The following ROBO1 variants were observed in gnomAD, a reference collection of about 807,000 sequenced individuals.
ROBO1 encodes the protein roundabout homolog 1.
A neutral mutation model predicts 195.9 loss-of-function variants in ROBO1; 149 were observed. The observed-to-expected ratio is 0.76, with a 90% confidence interval of 0.67 to 0.87. The LOEUF (loss-of-function observed/expected upper bound fraction) is 0.87, where lower values mean the gene tolerates loss of function less well. Among genes scored for constraint, ROBO1 ranks in the 40% least tolerant of loss-of-function variants. ROBO1 has a pLI of 0.00. For synonymous variants in ROBO1, 816 were observed against 733.2 expected (o/e 1.11, Z -1.82); for missense variants, 1,933 against 2,068.3 (o/e 0.93, Z 1.27).
chr3:79,026,034 T>C (rs578027152), intron 3 of ROBO1, among the ~76,000 whole-genome samples: 81 of 152,310 alleles, frequency 5.3e-4, no homozygotes, highest in African/African-American at 1.8e-3. Context: ...AGATATTGTG[T>C]CATTATTGTA....
At chr3:78,782,452 C>T (rs1022901657) in intron 4 of ROBO1, among the ~76,000 whole-genome samples, 8 of 152,112 alleles carry the variant, frequency 5.3e-5, no homozygotes, top group African/African-American at 1.9e-4. Flanking sequence ...CCACCTTGGC[C>T]TCCCGAAGTG....
At chr3:79,648,998 T>C (rs2106730813) in intron 1 of ROBO1, among the ~76,000 whole-genome samples, 2 of 152,234 alleles carry the variant, frequency 1.3e-5, no homozygotes, top group South Asian at 4.1e-4. Context: ...AACAACATTT[T>C]TTAAGTGTAG....
intron 3 of ROBO1, among the ~76,000 whole-genome samples, chr3:78,940,827 G>A (rs1418646460): frequency 6.6e-6 from 1 of 152,108 alleles, no homozygotes; most frequent in Middle Eastern, 3.2e-3. Context: ...CCTTATGCTT[G>A]GCAGAGTGCT....
chr3:79,764,113 T>C (rs1251463101), intron 1 of ROBO1, among the ~76,000 whole-genome samples: 1 of 152,234 alleles, frequency 6.6e-6, no homozygotes, highest in Non-Finnish European at 1.5e-5. Context: ...AGACATCTAA[T>C]AAAGCCTACT....
At chr3:79,585,316 T>C (rs1478834981) in intron 2 of ROBO1, among the ~76,000 whole-genome samples, 1 of 152,006 alleles carries the variant, frequency 6.6e-6, no homozygotes, top group Non-Finnish European at 1.5e-5. Context: ...TAGGGGGAAT[T>C]GTACCCACTA....
intron 5 of ROBO1, among the ~76,000 whole-genome samples, chr3:78,739,896 T>C (rs2082482526): frequency 6.6e-6 from 1 of 152,178 alleles, no homozygotes; most frequent in Admixed American, 6.5e-5. Context: ...AAATTTGCAC[T>C]GATAGCATAG....
At chr3:78,705,618 G>A (rs1351300530) in intron 8 of ROBO1, among the ~76,000 whole-genome samples, 1 of 152,148 alleles carries the variant, frequency 6.6e-6, no homozygotes, top group Non-Finnish European at 1.5e-5. Context: ...TCCAGACAAT[G>A]GGCAACATGT....
Position 78,635,812 on chromosome 3 carries a change from C to T in ROBO1, c.3334G>A (p.Val1112Ile), listed in dbSNP as rs1452762847. Residue 1112 changes from valine (V) to isoleucine (I), a missense_variant, in exon 23 of 31, where the codon GTT (valine) becomes ATT (isoleucine). Transcript: ENST00000464233. ...TTTTGCTCCACGATGTTGTACTGAA[C>T]TGGTGCCACTTCTTGTTTCTGCTGT... is the stretch of plus-strand genomic sequence containing the variant. ...LGQQKQEVAPVQYNIVEQNKL... is the reference protein window; with the variant it reads ...LGQQKQEVAPIQYNIVEQNKL... The T allele has an allele frequency of 3.9e-5, 63 of 1,613,756 alleles. 1 individual carries two copies. Among genetic ancestry groups the T allele is most frequent in the Non-Finnish European group, 5.3e-5 (63 of 1,179,830 alleles).
At chr3:78,621,378 A>G (rs1182831055) in intron 26 of ROBO1, among the ~76,000 whole-genome samples, 1 of 152,182 alleles carries the variant, frequency 6.6e-6, no homozygotes, top group Non-Finnish European at 1.5e-5. Context: ...ACCATCAATA[A>G]AGAAAGATGC....
chr3:78,970,465 CA>C (rs1315120685), intron 3 of ROBO1, among the ~76,000 whole-genome samples: 1 of 152,048 alleles, frequency 6.6e-6, no homozygotes, highest in Non-Finnish European at 1.5e-5. Context: ...CTACCCCTAC[CA>C]TATTTTAAGG....
intron 4 of ROBO1, among the ~76,000 whole-genome samples, chr3:78,780,055 T>C (rs970523461): frequency 1.3e-5 from 2 of 151,960 alleles, no homozygotes; most frequent in African/African-American, 2.4e-5. Flanking sequence ...AGTTTTACAA[T>C]GAGAACACAT....
intron 1 of ROBO1, among the ~76,000 whole-genome samples, chr3:79,644,578 T>G (rs1360981269): frequency 2.0e-5 from 3 of 152,162 alleles, no homozygotes; most frequent in Non-Finnish European, 4.4e-5. Context: ...ACTTATTTAC[T>G]ATCACAAGAA....
At chr3:79,283,915 T>C (rs2031708759) in intron 2 of ROBO1, among the ~76,000 whole-genome samples, 1 of 151,880 alleles carries the variant, frequency 6.6e-6, no homozygotes, top group South Asian at 2.1e-4. Flanking sequence ...GCCAGGATGG[T>C]CTCGATCTCC....
intron 3 of ROBO1, among the ~76,000 whole-genome samples, chr3:79,071,367 C>T (rs1471012766): frequency 6.6e-6 from 1 of 151,486 alleles, no homozygotes; most frequent in Non-Finnish European, 1.5e-5. Context: ...TTTTATATTT[C>T]TGTCTAGGTT....
At chr3:79,524,337 A>G (rs1162509773) in intron 2 of ROBO1, among the ~76,000 whole-genome samples, 1 of 152,094 alleles carries the variant, frequency 6.6e-6, no homozygotes, top group African/African-American at 2.4e-5. Flanking sequence ...TAAATATATA[A>G]AAATCTAAAC....
chr3:79,542,961 T>G (rs1942131045), intron 2 of ROBO1, among the ~76,000 whole-genome samples: 1 of 152,090 alleles, frequency 6.6e-6, no homozygotes, highest in Admixed American at 6.6e-5. Flanking sequence ...TCACATTTTA[T>G]TATAAAATAT....
chr3:79,041,735 A>T (rs778066583), intron 3 of ROBO1, among the ~76,000 whole-genome samples: 10 of 152,014 alleles, frequency 6.6e-5, no homozygotes, highest in Non-Finnish European at 1.3e-4. Flanking sequence ...TTTATTTTCC[A>T]CAAATGGGAG....
intron 1 of ROBO1, among the ~76,000 whole-genome samples, chr3:79,608,987 A>C (rs879781359): frequency 6.6e-6 from 1 of 151,672 alleles, no homozygotes; most frequent in Non-Finnish European, 1.5e-5. Flanking sequence ...GTTGTTCTTC[A>C]CTCTTCTGCT....
intron 2 of ROBO1, among the ~76,000 whole-genome samples, chr3:79,181,364 G>T (rs568596583): frequency 9.9e-5 from 15 of 152,246 alleles, no homozygotes; most frequent in Admixed American, 2.6e-4. Flanking sequence ...AGGTATAAAG[G>T]TTTGCCAACT....
Sources: allele counts gnomAD v4.1 joint callset (sites outside exome capture counted in the v4.1 genomes callset), GRCh38; gene constraint gnomAD v4.1.1; transcripts MANE v1.5; gene names NCBI Gene and HGNC (gene_info 2026-07-23, HGNC 2026-07-21).